MAF: variants seen among roughly 807,000 people sequenced by gnomAD.
MAF encodes the protein transcription factor Maf.
A neutral mutation model predicts 22.0 loss-of-function variants in MAF; 10 were observed. That is an observed-to-expected ratio of 0.45 (90% CI 0.28 to 0.77). The LOEUF is 0.77. Ranked by LOEUF, MAF falls within the 30% of genes least tolerant of loss-of-function variation. The pLI is 0.12. For synonymous variants in MAF, 337 were observed against 255.8 expected (o/e 1.32, Z -3.03); for missense variants, 544 against 548.4 (o/e 0.99, Z 0.08).
chr16:79,532,488 T>C, the MAF span, among the ~76,000 whole-genome samples: 7 of 152,344 alleles, frequency 4.6e-5, no homozygotes, highest in African/African-American at 1.7e-4. Context: ...ATCTGATAGG[T>C]GGTCAACTGC....
chr16:79,456,544 T>C, the MAF span, among the ~76,000 whole-genome samples: 2 of 152,180 alleles, frequency 1.3e-5, no homozygotes, highest in African/African-American at 4.8e-5. Flanking sequence ...CATAGATTAC[T>C]CCAGAACTCT....
At chr16:79,259,920 C>T in the MAF span, among the ~76,000 whole-genome samples, 1 of 152,030 alleles carries the variant, frequency 6.6e-6, no homozygotes, top group Non-Finnish European at 1.5e-5. Context: ...GGTGATGTGG[C>T]AAGAGGCATA....
chr16:79,494,396 C>G, the MAF span, among the ~76,000 whole-genome samples: 1 of 152,166 alleles, frequency 6.6e-6, no homozygotes. Context: ...AGAGGCCTCT[C>G]TCTTCTCCTT....
the MAF span, among the ~76,000 whole-genome samples, chr16:79,234,683 A>T: frequency 3.3e-5 from 5 of 152,096 alleles, no homozygotes. Context: ...GAAAGCAGGT[A>T]GTGGTAGCCC....
chr16:79,323,079 G>A, the MAF span, among the ~76,000 whole-genome samples: 2 of 146,170 alleles, frequency 1.4e-5, no homozygotes, highest in Non-Finnish European at 3.0e-5. Flanking sequence ...GAACCTGGGA[G>A]GCAGAGCTTG....
the MAF span, among the ~76,000 whole-genome samples, chr16:79,543,689 TC>T: frequency 1.4e-5 from 2 of 146,612 alleles, no homozygotes; most frequent in East Asian, 2.0e-4. Flanking sequence ...TTTTTTTTTT[TC>T]TTTTTTTTTT....
chr16:79,251,316 CTTT>C, the MAF span, among the ~76,000 whole-genome samples: 4 of 131,714 alleles, frequency 3.0e-5, no homozygotes, highest in Non-Finnish European at 3.1e-5. Flanking sequence ...AAGTCTTTAT[CTTT>C]TTTTTTTTTT....
chr16:79,254,181 T>A, the MAF span, among the ~76,000 whole-genome samples: 1 of 152,308 alleles, frequency 6.6e-6, no homozygotes, highest in East Asian at 1.9e-4. Flanking sequence ...AGCATATTAT[T>A]ATTCAACATT....
chr16:79,438,962 T>C, the MAF span, among the ~76,000 whole-genome samples: 2 of 152,048 alleles, frequency 1.3e-5, no homozygotes, highest in Non-Finnish European at 2.9e-5. Context: ...ATCCTAAGAT[T>C]AACAATTACA....
the MAF span, among the ~76,000 whole-genome samples, chr16:79,381,720 C>T: frequency 3.9e-5 from 6 of 152,260 alleles, no homozygotes; most frequent in Non-Finnish European, 8.8e-5. Context: ...GATTCCTTCT[C>T]GGTTACACTA....
chr16:79,293,837 A>AAGAGAGAGAG, the MAF span, among the ~76,000 whole-genome samples: 212 of 148,412 alleles, frequency 1.4e-3, no homozygotes, highest in African/African-American at 5.1e-3. Context: ...TCTAAATGAA[A>AAGAGAGAGAG]AGAGAGAGAG....
rs72628260 is a variant in MAF at position 79,586,845 on chromosome 16, C to T, written c.1119-904G>A. Among the ~76,000 whole-genome samples the T allele has an allele frequency of 2.3e-3, 344 of 152,334 alleles. 9 individuals carry two copies. The East Asian group carries it at 0.057, about 25-fold the overall frequency. ...TTAAAATCTAATTTAAAAAATTCAA[C>T]ATGGTCACAGAAAATCTGTGTACAA... On this transcript the variant is annotated intron_variant, in intron 1 of 1. Transcript: ENST00000569649.
the MAF span, among the ~76,000 whole-genome samples, chr16:79,213,920 T>C: frequency 7.9e-5 from 12 of 152,170 alleles, no homozygotes; most frequent in African/African-American, 2.4e-4. Flanking sequence ...TATAATTTGG[T>C]CTCCAGCTAC....
the MAF span, among the ~76,000 whole-genome samples, chr16:79,409,592 T>A: frequency 5.3e-5 from 8 of 152,220 alleles, no homozygotes; most frequent in Admixed American, 2.6e-4. Context: ...TGATTTGATT[T>A]ACACGGAGTA....
the MAF span, among the ~76,000 whole-genome samples, chr16:79,554,679 C>G: frequency 6.6e-6 from 1 of 152,118 alleles, no homozygotes. Context: ...TGACTCCAAC[C>G]CCAGTTCTAA....
the MAF span, among the ~76,000 whole-genome samples, chr16:79,227,386 G>C: frequency 6.6e-6 from 1 of 152,174 alleles, no homozygotes; most frequent in African/African-American, 2.4e-5. Flanking sequence ...CAACTGGCTG[G>C]TTGTCTGAAT....
chr16:79,222,162 A>T, the MAF span, among the ~76,000 whole-genome samples: 1 of 152,216 alleles, frequency 6.6e-6, no homozygotes, highest in South Asian at 2.1e-4. Context: ...TACAAGCCAG[A>T]AGAGAAAGGG....
chr16:79,409,393 T>A, the MAF span, among the ~76,000 whole-genome samples: 1 of 152,174 alleles, frequency 6.6e-6, no homozygotes, highest in South Asian at 2.1e-4. Flanking sequence ...TCAGAACATT[T>A]TCAATTGAAG....
At chr16:79,232,910 G>A in the MAF span, among the ~76,000 whole-genome samples, 1 of 139,104 alleles carries the variant, frequency 7.2e-6, no homozygotes, top group Non-Finnish European at 1.5e-5. Flanking sequence ...GCACCATCTT[G>A]GCTCACTGCA....
Sources: gnomAD v4.1 joint callset for allele counts (sites outside exome capture counted in the v4.1 genomes callset) on GRCh38, gnomAD v4.1.1 for gene constraint, MANE v1.5 for transcripts, NCBI Gene and HGNC (gene_info 2026-07-23, HGNC 2026-07-21) for gene names.